The following PRSS23 variants were observed in gnomAD, a reference collection of about 807,000 sequenced individuals.
PRSS23 encodes protease, serine 23.
PRSS23 carries 25 observed loss-of-function variants against 34.7 expected under a neutral mutation model. The ratio of observed to expected loss-of-function variants is 0.72; its 90% confidence interval spans 0.53 to 1.01. The LOEUF is 1.01. Ranked by LOEUF, PRSS23 falls within the 50% of genes least tolerant of loss-of-function variation. PRSS23 has a pLI of 0.00. For missense variants in PRSS23, 445 were observed against 475.6 expected (o/e 0.94, Z 0.60); for synonymous variants, 176 against 186.6 (o/e 0.94, Z 0.46).
At position 86,822,633 on chromosome 11, in the gene PRSS23, A is replaced by G. The variant is rs921587199; in HGVS notation, c.-11-744A>G. ...TGTGAACCTGACTAAAAAAAAAAAA[A>G]AAAAAAATGCAGAACTAGGACCAGT... On this transcript the variant is annotated intron_variant, in intron 1 of 2. Coordinates refer to the PRSS23 transcript ENST00000533902. Among the ~76,000 whole-genome samples the G allele has an allele frequency of 1.3e-4, 19 of 151,956 alleles. 1 individual carries two copies. Among genetic ancestry groups the G allele is most frequent in the African/African-American group, 4.6e-4 (19 of 41,422 alleles).
chr11:86,906,750 T>C (rs1948945885), intron 2 of PRSS23, among the ~76,000 whole-genome samples: 1 of 152,068 alleles, frequency 6.6e-6, no homozygotes. Context: ...AAGCAATGTC[T>C]ATTTAGGGAG....
At chr11:86,814,195 T>C (rs904244573), downstream of PRSS23, among the ~76,000 whole-genome samples, 10 of 152,172 alleles carry the variant, frequency 6.6e-5, no homozygotes, top group African/African-American at 2.2e-4. Context: ...GGATCTCTGA[T>C]TGTGAAGCTC....
chr11:86,922,741 C>A (rs922993342), intron 2 of PRSS23, among the ~76,000 whole-genome samples: 1 of 152,114 alleles, frequency 6.6e-6, no homozygotes, highest in African/African-American at 2.4e-5. Flanking sequence ...GAAGGGACAC[C>A]CAGCATTGAA....
intron 2 of PRSS23, among the ~76,000 whole-genome samples, chr11:86,928,196 T>C (rs1274015519): frequency 1.4e-5 from 2 of 145,434 alleles, no homozygotes; most frequent in Admixed American, 1.4e-4. Flanking sequence ...GCATATGTAT[T>C]ACAAATATTT....
At chr11:86,873,222 A>G (rs767196883) in intron 2 of PRSS23, among the ~76,000 whole-genome samples, 17 of 102,950 alleles carry the variant, frequency 1.7e-4, no homozygotes, top group African/African-American at 6.8e-4. Context: ...ACACAGATAT[A>G]TGTATATATA....
intron 2 of PRSS23, chr11:86,935,989 C>T (rs117687617): frequency 6.6e-6 from 1 of 152,366 alleles, no homozygotes; most frequent in East Asian, 1.9e-4. Flanking sequence ...CTCTGAATGA[C>T]TGCCCATGTT....
intron 1 of PRSS23, among the ~76,000 whole-genome samples, chr11:86,816,636 G>A (rs529138643): frequency 6.6e-6 from 1 of 152,294 alleles, no homozygotes; most frequent in South Asian, 2.1e-4. Context: ...ATCCTCTGTG[G>A]ATAAGGCATT....
At chr11:86,791,077 A>G (rs1381328693) in exon 1 of PRSS23, 1 of 152,218 alleles carries the variant, frequency 6.6e-6, no homozygotes, top group African/African-American at 2.4e-5. Flanking sequence ...TGTCAGTGTG[A>G]CAGGTTCCAC....
upstream of PRSS23, among the ~76,000 whole-genome samples, chr11:86,800,025 G>A (rs1196008037): frequency 6.6e-6 from 1 of 152,172 alleles, no homozygotes; most frequent in Non-Finnish European, 1.5e-5. Context: ...GCGCACACAG[G>A]TTCTGAACCA....
rs111708992 is a variant in PRSS23 at position 86,834,575 on chromosome 11, TTCC to T, written c.206+10984_206+10986del. Among the ~76,000 whole-genome samples the T allele has an allele frequency of 2.8e-3, 402 of 141,510 alleles. 8 individuals carry two copies. Among genetic ancestry groups the T allele is most frequent in the African/African-American group, 0.011 (389 of 36,878 alleles). 92.8% of individuals were successfully genotyped at this position (141,510 alleles called of 152,430 possible). ...CCTTTTTCCTTTCCTTTCCTTTCCT[TTCC>T]TTTCCTTTCCTTTCCTTTCCTTTCC... On this transcript the variant is annotated intron_variant, in intron 2 of 2. Transcript: ENST00000533902.
intron 1 of PRSS23, among the ~76,000 whole-genome samples, chr11:86,805,628 C>T (rs1196132998): frequency 6.6e-6 from 1 of 152,118 alleles, no homozygotes; most frequent in Non-Finnish European, 1.5e-5. Context: ...CTTTCTTTTC[C>T]TATCCCTATT....
At chr11:86,879,240 G>A (rs535700012) in intron 2 of PRSS23, among the ~76,000 whole-genome samples, 3,386 of 145,382 alleles carry the variant, frequency 0.023, 73 homozygotes, top group African/African-American at 0.032. Flanking sequence ...CCGCCGCCCC[G>A]TCTGGGATGT....
At chr11:86,893,231 C>T (rs1042287885) in intron 2 of PRSS23, among the ~76,000 whole-genome samples, 25 of 152,174 alleles carry the variant, frequency 1.6e-4, no homozygotes, top group African/African-American at 5.6e-4. Context: ...CCTGCCACAC[C>T]TTGATTTCAG....
At chr11:86,916,418 CT>C (rs1421497711) in intron 2 of PRSS23, among the ~76,000 whole-genome samples, 1 of 152,120 alleles carries the variant, frequency 6.6e-6, no homozygotes, top group Non-Finnish European at 1.5e-5. Context: ...GGCTTTACCC[CT>C]GGGAAAATGG....
In PRSS23 at chr11:86,829,159, A is replaced by G. The variant is rs1001034021; in HGVS notation, c.206+5566A>G. ...TCAGATGTAGATTTGGTCTTTTCACATAGTCCCATATTTCTTGGAGGCTTT... is the reference window on the plus strand; with the variant it reads ...TCAGATGTAGATTTGGTCTTTTCACGTAGTCCCATATTTCTTGGAGGCTTT... On this transcript the variant is annotated intron_variant, in intron 2 of 2. Transcript: ENST00000533902. 2.0e-5 allele frequency among the ~76,000 whole-genome samples: 3 copies of G among 152,282 alleles called. No homozygotes were observed. In the South Asian group the frequency reaches 6.2e-4, roughly 32 times the overall value.
At chr11:86,848,573 G>T (rs766588228) in intron 2 of PRSS23, among the ~76,000 whole-genome samples, 1 of 152,138 alleles carries the variant, frequency 6.6e-6, no homozygotes, top group Admixed American at 6.5e-5. Context: ...GAAATGCTGC[G>T]GGAGGCTCTA....
At chr11:86,800,375 C>A, upstream of PRSS23, 1 of 903,626 alleles carries the variant, frequency 1.1e-6, no homozygotes, top group South Asian at 5.1e-5. Context: ...GGCTGCTCCA[C>A]CCTGCTCCGG....
intron 2 of PRSS23, among the ~76,000 whole-genome samples, chr11:86,918,976 T>C (rs1239094800): frequency 1.3e-5 from 2 of 152,180 alleles, no homozygotes; most frequent in East Asian, 3.8e-4. Context: ...CCAAAGAGCA[T>C]AGGCGAAATC....
chr11:86,872,222 T>C (rs1173676522), intron 2 of PRSS23, among the ~76,000 whole-genome samples: 1 of 152,226 alleles, frequency 6.6e-6, no homozygotes, highest in Non-Finnish European at 1.5e-5. Flanking sequence ...TAATGTGTTA[T>C]TATTTCCTCT....
Sources: allele counts gnomAD v4.1 joint callset (sites outside exome capture counted in the v4.1 genomes callset), GRCh38; gene constraint gnomAD v4.1.1; transcripts MANE v1.5; gene names NCBI Gene and HGNC (gene_info 2026-07-23, HGNC 2026-07-21).